AKAP6: variants seen among roughly 807,000 people sequenced by gnomAD.
The protein encoded by AKAP6 is A-kinase anchor protein 6.
In AKAP6, 58 loss-of-function variants were observed where a neutral mutation model predicts 188.5. The ratio of observed to expected loss-of-function variants is 0.31; its 90% CI spans 0.25 to 0.38. AKAP6 has a LOEUF of 0.38. Among genes scored for constraint, AKAP6 ranks in the 10% least tolerant of loss-of-function variants. The pLI, the probability that AKAP6 is intolerant of heterozygous loss-of-function variation, is 1.00. For missense variants in AKAP6, 2,710 were observed against 2,740.0 expected, an observed-to-expected ratio of 0.99 and a Z score of 0.24; for synonymous variants, 989 against 998.6, an observed-to-expected ratio of 0.99 and a Z score of 0.18.
At chr14:32,782,698 A>G (rs928701770) in intron 12 of AKAP6, among the ~76,000 whole-genome samples, 12 of 152,334 alleles carry the variant, frequency 7.9e-5, no homozygotes, top group African/African-American at 2.9e-4. Flanking sequence ...AACAATAGAT[A>G]TGGAAGAACT....
intron 2 of AKAP6, among the ~76,000 whole-genome samples, chr14:32,468,220 A>G (rs1051841225): frequency 5.3e-5 from 8 of 152,182 alleles, no homozygotes; most frequent in Non-Finnish European, 1.2e-4. Flanking sequence ...CACAGTAGGT[A>G]CTCTGTTAAT....
chr14:32,444,734 G>A (rs1594620697), intron 2 of AKAP6, among the ~76,000 whole-genome samples: 1 of 120 alleles, frequency 8.3e-3, no homozygotes. Context: ...TATGAAGAAG[G>A]TCTTCAGTGT....
At chr14:32,576,347 A>T (rs1230277407) in intron 4 of AKAP6, among the ~76,000 whole-genome samples, 1 of 152,156 alleles carries the variant, frequency 6.6e-6, no homozygotes, top group Non-Finnish European at 1.5e-5. Context: ...TTAGGTTTGC[A>T]GTTGGGCTTT....
chr14:32,364,194 G>A (rs1887752943), intron 1 of AKAP6, among the ~76,000 whole-genome samples: 1 of 152,110 alleles, frequency 6.6e-6, no homozygotes, highest in South Asian at 2.1e-4. Context: ...AAGGAAGAAA[G>A]GAGAAAGAAG....
intron 11 of AKAP6, among the ~76,000 whole-genome samples, chr14:32,743,849 C>A (rs1015925192): frequency 6.6e-6 from 1 of 152,028 alleles, no homozygotes; most frequent in African/African-American, 2.4e-5. Flanking sequence ...TTCTGTTTTT[C>A]TGTGTAATTA....
chr14:32,561,517 G>GCA (rs1340316461), intron 4 of AKAP6, among the ~76,000 whole-genome samples: 1 of 152,152 alleles, frequency 6.6e-6, no homozygotes, highest in East Asian at 1.9e-4. Context: ...ATTCCTTGGC[G>GCA]TATATCACTT....
At chr14:32,654,979 G>C (rs903781372) in intron 7 of AKAP6, among the ~76,000 whole-genome samples, 14 of 152,072 alleles carry the variant, frequency 9.2e-5, no homozygotes, top group Non-Finnish European at 1.8e-4. Flanking sequence ...CCACAATCTT[G>C]TTTATTACAC....
At chr14:32,751,197 A>G (rs1231332700) in intron 11 of AKAP6, among the ~76,000 whole-genome samples, 2 of 152,030 alleles carry the variant, frequency 1.3e-5, no homozygotes, top group Non-Finnish European at 2.9e-5. Flanking sequence ...CTAAAAATGT[A>G]TTTTTAGTAC....
At chr14:32,620,384 G>T (rs928345195) in intron 7 of AKAP6, among the ~76,000 whole-genome samples, 1 of 151,946 alleles carries the variant, frequency 6.6e-6, no homozygotes. Context: ...AGGGATGCTG[G>T]ATTTCATTGA....
intron 4 of AKAP6, among the ~76,000 whole-genome samples, chr14:32,558,363 A>G (rs566140643): frequency 3.3e-5 from 5 of 152,364 alleles, no homozygotes; most frequent in African/African-American, 9.6e-5. Context: ...TCTGTTACAT[A>G]AGACAATATT....
intron 12 of AKAP6, among the ~76,000 whole-genome samples, chr14:32,808,594 T>G (rs1317260748): frequency 6.6e-6 from 1 of 152,230 alleles, no homozygotes; most frequent in Non-Finnish European, 1.5e-5. Context: ...ATCCATGCTT[T>G]TTGCTCCTTT....
chr14:32,380,037 T>G (rs1348908446), intron 1 of AKAP6, among the ~76,000 whole-genome samples: 1 of 152,240 alleles, frequency 6.6e-6, no homozygotes, highest in Non-Finnish European at 1.5e-5. Flanking sequence ...ATGTTGCAAA[T>G]TTTCTTCTTC....
intron 7 of AKAP6, among the ~76,000 whole-genome samples, chr14:32,650,362 C>T (rs1888161508): frequency 6.6e-6 from 1 of 152,122 alleles, no homozygotes. Context: ...CCTGTAATCC[C>T]AGCATTTTGG....
intron 12 of AKAP6, among the ~76,000 whole-genome samples, chr14:32,791,759 G>C (rs999422493): frequency 2.0e-5 from 3 of 151,996 alleles, no homozygotes; most frequent in African/African-American, 7.2e-5. Flanking sequence ...TTTTGGTTTT[G>C]TGTTTAAGCC....
At chr14:32,371,271 T>C (rs543957895) in intron 1 of AKAP6, among the ~76,000 whole-genome samples, 1 of 152,274 alleles carries the variant, frequency 6.6e-6, no homozygotes, top group African/African-American at 2.4e-5. Flanking sequence ...GATAGGTAAA[T>C]ACATAAAATG....
At chr14:32,475,725 C>T (rs1043421794) in intron 2 of AKAP6, among the ~76,000 whole-genome samples, 5 of 144,966 alleles carry the variant, frequency 3.4e-5, no homozygotes, top group African/African-American at 1.3e-4. Context: ...GTCACCCAGG[C>T]TGGAGTGCAG....
At chr14:32,540,971 T>A (rs1244832669) in intron 3 of AKAP6, among the ~76,000 whole-genome samples, 1 of 152,130 alleles carries the variant, frequency 6.6e-6, no homozygotes, top group African/African-American at 2.4e-5. Flanking sequence ...TTTATACTGC[T>A]TGGGTGATGA....
rs2140171670 is a variant in AKAP6, at chr14:32,830,803, G to T, written c.*998G>T. 1 of 152,622 alleles carries T rather than the reference G, an allele frequency of 6.6e-6. No homozygotes were observed. The highest frequency in any genetic ancestry group is 2.1e-4 in the South Asian group (1 of 4,816). 9.5% of individuals were successfully genotyped at this position (152,622 alleles called of 1,614,324 possible). ...ATTGGCATAATAAACACAGATTATTGGGGGAAAAGGAAAATTAGTGATCTC... is the reference window on the plus strand; with the variant it reads ...ATTGGCATAATAAACACAGATTATTTGGGGAAAAGGAAAATTAGTGATCTC... On this transcript the variant is annotated 3_prime_UTR_variant, in exon 14 of 14. Transcript: ENST00000280979.
At chr14:32,648,496 C>T (rs1888074878) in intron 7 of AKAP6, among the ~76,000 whole-genome samples, 1 of 152,106 alleles carries the variant, frequency 6.6e-6, no homozygotes, top group African/African-American at 2.4e-5. Flanking sequence ...ACACTTCTCA[C>T]TCTGTCATTA....
Sources: allele counts gnomAD v4.1 joint callset (sites outside exome capture counted in the v4.1 genomes callset), GRCh38; gene constraint gnomAD v4.1.1; transcripts MANE v1.5; gene names NCBI Gene and HGNC (gene_info 2026-07-23, HGNC 2026-07-21).